Variants in DMD observed in about 807,000 individuals in gnomAD.
The protein encoded by DMD is dystrophin.
A neutral mutation model predicts 330.1 loss-of-function variants in DMD; 63 were observed. That is an observed-to-expected ratio of 0.19 (90% CI 0.16 to 0.24). DMD has a LOEUF of 0.24. Among genes scored for constraint, DMD ranks in the 10% least tolerant of loss-of-function variants. The pLI, the probability that DMD is intolerant of heterozygous loss-of-function variation, is 1.00. For missense variants in DMD, 3,344 were observed against 2,684.1 expected (o/e 1.25, Z -5.43); for synonymous variants, 1,223 against 959.8 (o/e 1.27, Z -5.07).
intron 1 of DMD, among the ~76,000 whole-genome samples, chrX:33,260,947 C>T (rs1020860394): frequency 5.5e-5 from 6 of 109,008 alleles, no homozygotes; most frequent in African/African-American, 1.3e-4. Flanking sequence ...ACAACAAAAG[C>T]GATCCACACT....
intron 1 of DMD, among the ~76,000 whole-genome samples, chrX:33,107,071 G>A (rs1045554780): frequency 2.7e-5 from 3 of 111,708 alleles, no homozygotes; most frequent in Non-Finnish European, 3.8e-5. Context: ...CAGCACTTTC[G>A]GAGGCAGAGG....
chrX:31,700,294 G>C (rs974256490), intron 52 of DMD, among the ~76,000 whole-genome samples: 4 of 112,022 alleles, frequency 3.6e-5, no homozygotes, highest in African/African-American at 1.3e-4. Context: ...ACCATCTGTG[G>C]GATATGGAAG....
At chrX:32,451,890 C>T (rs1182594818) in intron 26 of DMD, among the ~76,000 whole-genome samples, 1 of 110,597 alleles carries the variant, frequency 9.0e-6, no homozygotes, top group Admixed American at 9.6e-5. Context: ...CAGAGTTTAC[C>T]TCTTTTTACT....
intron 6 of DMD, among the ~76,000 whole-genome samples, chrX:32,810,677 C>T (rs2077304105): frequency 8.9e-6 from 1 of 111,986 alleles, no homozygotes; most frequent in Non-Finnish European, 1.9e-5. Flanking sequence ...TGAATTATCA[C>T]AATAGCCTCA....
chrX:32,057,205 AACAAG>A (rs1019621307), intron 44 of DMD, among the ~76,000 whole-genome samples: 2 of 111,941 alleles, frequency 1.8e-5, no homozygotes, highest in African/African-American at 3.2e-5. Context: ...TAAGATCAGA[AACAAG>A]ACAAGAATGC....
chrX:31,514,232 A>C (rs769818086), intron 55 of DMD, among the ~76,000 whole-genome samples: 1 of 112,133 alleles, frequency 8.9e-6, no homozygotes, highest in South Asian at 3.7e-4. Flanking sequence ...AACGAAACAA[A>C]TAATGTGTGT....
intron 55 of DMD, among the ~76,000 whole-genome samples, chrX:31,622,636 G>T (rs1187984657): frequency 9.2e-6 from 1 of 108,688 alleles, no homozygotes; most frequent in Admixed American, 9.9e-5. Flanking sequence ...AGGAAGAGGG[G>T]CCCTCACCAG....
chrX:32,947,521 T>C (rs1255893727), intron 2 of DMD, among the ~76,000 whole-genome samples: 2 of 111,662 alleles, frequency 1.8e-5, no homozygotes, highest in Non-Finnish European at 3.8e-5. Flanking sequence ...TGCCAAAGAA[T>C]GGTCTAATTC....
At chrX:32,682,139 C>T (rs1286983513) in intron 9 of DMD, among the ~76,000 whole-genome samples, 1 of 111,666 alleles carries the variant, frequency 9.0e-6, no homozygotes, top group Non-Finnish European at 1.9e-5. Flanking sequence ...GGATTTAGAA[C>T]TACTCTCAAC....
chrX:33,128,452 G>T (rs1388214072), intron 1 of DMD: 18 of 940,566 alleles, frequency 1.9e-5, no homozygotes, highest in Non-Finnish European at 2.2e-5. Flanking sequence ...CCCTCTCACA[G>T]CAATGGTTTC....
At chrX:31,522,044 G>A (rs753762904) in intron 55 of DMD, among the ~76,000 whole-genome samples, 1 of 110,681 alleles carries the variant, frequency 9.0e-6, no homozygotes, top group East Asian at 2.9e-4. Flanking sequence ...ATGTGATCAT[G>A]TTAAACTGGA....
chrX:33,314,470 C>T (rs1191545048), intron 1 of DMD, among the ~76,000 whole-genome samples: 1 of 107,376 alleles, frequency 9.3e-6, no homozygotes, highest in Admixed American at 1.0e-4. Flanking sequence ...TTTGGCCAGG[C>T]AGGTCTCAAA....
intron 4 of DMD, among the ~76,000 whole-genome samples, chrX:32,842,501 C>T (rs1482847207): frequency 9.1e-6 from 1 of 109,831 alleles, no homozygotes; most frequent in Non-Finnish European, 1.9e-5. Flanking sequence ...AGCATGTGTG[C>T]CCAAAAAACC....
intron 11 of DMD, among the ~76,000 whole-genome samples, chrX:32,632,930 G>T (rs2058840916): frequency 8.9e-6 from 1 of 112,094 alleles, no homozygotes; most frequent in Non-Finnish European, 1.9e-5. Flanking sequence ...CTTCTTTGTA[G>T]GTATACAAAT....
intron 44 of DMD, among the ~76,000 whole-genome samples, chrX:31,971,608 T>C (rs1056541851): frequency 9.9e-5 from 11 of 111,353 alleles, no homozygotes; most frequent in Non-Finnish European, 1.7e-4. Flanking sequence ...TTTTCAGTGA[T>C]AAAGCATAAG....
intron 60 of DMD, among the ~76,000 whole-genome samples, chrX:31,434,571 T>A (rs2064374158): frequency 9.0e-6 from 1 of 110,895 alleles, no homozygotes; most frequent in Non-Finnish European, 1.9e-5. Flanking sequence ...CTGTCTGTCA[T>A]CCCAAGAAAC....
chrX:32,846,973 T>C (rs1410261766), intron 3 of DMD, among the ~76,000 whole-genome samples: 1 of 109,422 alleles, frequency 9.1e-6, no homozygotes, highest in African/African-American at 3.3e-5. Context: ...TGTCGCTGAC[T>C]CCAGCCTGGG....
chrX:31,887,275 G>A (rs778681350), intron 47 of DMD, among the ~76,000 whole-genome samples: 230 of 112,310 alleles, frequency 2.0e-3, no homozygotes, highest in Non-Finnish European at 2.7e-3. Context: ...TTGAAAGTAA[G>A]TGGGATGATA....
At chrX:31,531,010 A>C (rs1385044127) in intron 55 of DMD, among the ~76,000 whole-genome samples, 5 of 94,408 alleles carry the variant, frequency 5.3e-5, no homozygotes, top group East Asian at 3.4e-4. Flanking sequence ...TGAACTCATC[A>C]TTTTTTATGG....
Sources: gnomAD v4.1 joint callset for allele counts (sites outside exome capture counted in the v4.1 genomes callset) on GRCh38, gnomAD v4.1.1 for gene constraint, MANE v1.5 for transcripts, NCBI Gene and HGNC (gene_info 2026-07-23, HGNC 2026-07-21) for gene names.